MGAT4C: variants seen among roughly 807,000 people sequenced by gnomAD.
MGAT4C encodes alpha-1,3-mannosyl-glycoprotein 4-beta-N-acetylglucosaminyltransferase C.
MGAT4C carries 19 observed loss-of-function variants against 40.1 expected under a neutral mutation model. The observed-to-expected ratio is 0.47, with a 90% confidence interval of 0.33 to 0.70. The LOEUF is 0.70. Ranked by LOEUF, MGAT4C falls within the 30% of genes least tolerant of loss-of-function variation. The pLI, the probability that MGAT4C is intolerant of heterozygous loss-of-function variation, is 0.02. For synonymous variants in MGAT4C, 181 were observed against 187.1 expected (o/e 0.97, Z 0.27); for missense variants, 491 against 563.2 (o/e 0.87, Z 1.30).
chr12:86,468,334 A>T (rs1286529152), intron 2 of MGAT4C, among the ~76,000 whole-genome samples: 1 of 151,960 alleles, frequency 6.6e-6, no homozygotes, highest in Non-Finnish European at 1.5e-5. Flanking sequence ...GGCTACCATA[A>T]AATCTTTTTG....
intron 2 of MGAT4C, among the ~76,000 whole-genome samples, chr12:86,642,746 T>C (rs1490187461): frequency 6.6e-6 from 1 of 151,694 alleles, no homozygotes; most frequent in African/African-American, 2.4e-5. Context: ...TATATTAACA[T>C]GTTTTGAGAA....
At chr12:86,282,885 G>T (rs1030248292) in intron 4 of MGAT4C, among the ~76,000 whole-genome samples, 4 of 151,996 alleles carry the variant, frequency 2.6e-5, no homozygotes, top group Non-Finnish European at 5.9e-5. Context: ...AATGATTCGG[G>T]TGTTTAGCAA....
At chr12:86,169,742 C>T (rs839113) in intron 1 of MGAT4C, among the ~76,000 whole-genome samples, 121,516 of 152,036 alleles carry the variant, frequency 0.8, 49,004 homozygotes, top group East Asian at 1. Context: ...TTCAGATCAA[C>T]CTCTTCTGAT....
intron 2 of MGAT4C, among the ~76,000 whole-genome samples, chr12:86,544,986 T>C (rs1233950049): frequency 6.6e-6 from 1 of 152,112 alleles, no homozygotes; most frequent in Non-Finnish European, 1.5e-5. Context: ...TTAACATTTT[T>C]AGTCTTTTAT....
At position 86,734,530 on chromosome 12, in the gene MGAT4C, C is replaced by A. The variant is rs112664010; in HGVS notation, c.-261-7289G>T. 8.9e-4 allele frequency among the ~76,000 whole-genome samples: 135 copies of A among 152,062 alleles called. 3 individuals carry two copies. Among genetic ancestry groups the A allele is most frequent in the African/African-American group, 2.0e-3 (85 of 41,504 alleles). ...AATGTAATGGCAGTAGGAGGTAGAG[C>A]CTTTGATAAGTGATTATGTCTTCAG... On this transcript the variant is annotated intron_variant, in intron 1 of 7. Transcript: ENST00000548651.
At chr12:86,409,867 G>T (rs113087686) in intron 3 of MGAT4C, among the ~76,000 whole-genome samples, 1 of 151,690 alleles carries the variant, frequency 6.6e-6, no homozygotes, top group Non-Finnish European at 1.5e-5. Context: ...AGTGTTGGCC[G>T]ATCTGAGAAA....
chr12:86,350,660 A>G (rs1955137239), intron 3 of MGAT4C, among the ~76,000 whole-genome samples: 1 of 152,202 alleles, frequency 6.6e-6, no homozygotes, highest in Admixed American at 6.6e-5. Flanking sequence ...GCTACCTATA[A>G]GAATATATAC....
At chr12:86,235,110 A>G (rs907246047) in intron 1 of MGAT4C, among the ~76,000 whole-genome samples, 1 of 151,924 alleles carries the variant, frequency 6.6e-6, no homozygotes, top group Non-Finnish European at 1.5e-5. Flanking sequence ...ATACATCTTC[A>G]TAGGTTTATT....
At chr12:86,768,813 A>C (rs1311320164) in intron 1 of MGAT4C, among the ~76,000 whole-genome samples, 3 of 152,058 alleles carry the variant, frequency 2.0e-5, no homozygotes, top group South Asian at 2.1e-4. Flanking sequence ...CTGGCTAGCC[A>C]TATGTAGAAA....
chr12:86,811,921 A>T (rs1593229985), intron 1 of MGAT4C, among the ~76,000 whole-genome samples: 1 of 152,354 alleles, frequency 6.6e-6, no homozygotes, highest in South Asian at 2.1e-4. Context: ...ATTTGAGACT[A>T]GTCCTTGTCA....
intron 3 of MGAT4C, among the ~76,000 whole-genome samples, chr12:86,365,444 G>C (rs549475377): frequency 6.6e-6 from 1 of 152,140 alleles, no homozygotes; most frequent in African/African-American, 2.4e-5. Flanking sequence ...GGGATTAAGA[G>C]ATTAAAGACA....
rs550576181 is a variant in MGAT4C at position 86,329,942 on chromosome 12, GTTTCT to G, written c.-57+4118_-57+4122del. Among the ~76,000 whole-genome samples the G allele has an allele frequency of 7.9e-5, 12 of 152,174 alleles. No individual in the cohort carries two copies. In the East Asian group the frequency reaches 2.1e-3, roughly 27 times the overall value. ...TTTTAATAATCATAGGTGTTTGTGTGTTTCTTTAAACTATTTCAAAAGATATCCAC... is the reference window on the plus strand; with the variant it reads ...TTTTAATAATCATAGGTGTTTGTGTGTTAAACTATTTCAAAAGATATCCAC... On this transcript the variant is annotated intron_variant, in intron 4 of 7. Transcript: ENST00000548651.
At position 86,566,564 on chromosome 12, in the gene MGAT4C, ATAT is replaced by A. The variant is rs1960121312; in HGVS notation, c.-228-131302_-228-131300del. Among the ~76,000 whole-genome samples the A allele has an allele frequency of 3.5e-4, 41 of 116,894 alleles. 1 individual carries two copies. Among genetic ancestry groups the A allele is most frequent in the Non-Finnish European group, 8.9e-5 (5 of 56,288 alleles). The allele number at this position is 116,894 out of a possible 152,430, so 76.7% of individuals were successfully genotyped here. A position where few individuals can be genotyped will look rare whatever the true frequency, so the allele number is the denominator to read the frequency against. ...TATATATATATATATATATATATAT[ATAT>A]ATATATATGTATATGTATATATATG... is the stretch of plus-strand genomic sequence containing the variant. On this transcript the variant is annotated intron_variant, in intron 2 of 7. Coordinates refer to the MGAT4C transcript ENST00000548651.
chr12:85,980,996 T>C (rs1461321357), intron 4 of MGAT4C, among the ~76,000 whole-genome samples: 1 of 152,148 alleles, frequency 6.6e-6, no homozygotes, highest in Non-Finnish European at 1.5e-5. Context: ...CATTATGTTG[T>C]ACTAGAATTC....
chr12:86,483,806 T>C (rs912231076), intron 2 of MGAT4C, among the ~76,000 whole-genome samples: 2 of 146,834 alleles, frequency 1.4e-5, no homozygotes, highest in African/African-American at 5.1e-5. Flanking sequence ...CTGGTGTCAT[T>C]AGAGTGATCT....
Position 86,803,288 on chromosome 12 carries a change from G to T in MGAT4C, c.-262+35378C>A, listed in dbSNP as rs908945025. Among the ~76,000 whole-genome samples, 147 of 151,150 alleles carry T rather than the reference G, an allele frequency of 9.7e-4. 1 individual carries two copies. Among genetic ancestry groups the T allele is most frequent in the African/African-American group, 3.5e-3 (144 of 41,398 alleles). On this transcript the variant is annotated intron_variant, in intron 1 of 7. Coordinates refer to the MGAT4C transcript ENST00000548651. ...TTCAAGATGGATTAAAGATTTAAAC[G>T]TTAGACCTAAAACCATAAAAACCCT... is the stretch of plus-strand genomic sequence containing the variant.
intron 3 of MGAT4C, among the ~76,000 whole-genome samples, chr12:86,340,065 T>G (rs1196564122): frequency 5.9e-5 from 9 of 152,222 alleles, no homozygotes; most frequent in Non-Finnish European, 1.0e-4. Flanking sequence ...TAAATTTGGC[T>G]TAATTCTGAA....
intron 1 of MGAT4C, among the ~76,000 whole-genome samples, chr12:86,184,622 A>C (rs1290018730): frequency 1.2e-5 from 1 of 82,120 alleles, no homozygotes; most frequent in Non-Finnish European, 2.8e-5. Context: ...AAATTATCAC[A>C]TTTTCTTTTT....
At chr12:86,611,955 G>T (rs1442688258) in intron 2 of MGAT4C, among the ~76,000 whole-genome samples, 2 of 152,006 alleles carry the variant, frequency 1.3e-5, no homozygotes, top group African/African-American at 2.4e-5. Context: ...TTTGAGATTT[G>T]AATTTATGTG....
Sources: gnomAD v4.1 joint callset for allele counts (sites outside exome capture counted in the v4.1 genomes callset) on GRCh38, gnomAD v4.1.1 for gene constraint, MANE v1.5 for transcripts, NCBI Gene and HGNC (gene_info 2026-07-23, HGNC 2026-07-21) for gene names.